RABGAP1L: variants seen among roughly 807,000 people sequenced by gnomAD.
The protein encoded by RABGAP1L is rab GTPase-activating protein 1-like.
In RABGAP1L, 63 loss-of-function variants were observed where a neutral mutation model predicts 137.7. The observed-to-expected ratio is 0.46, with a 90% CI of 0.37 to 0.56. The LOEUF (loss-of-function observed/expected upper bound fraction) is 0.56. Among genes scored for constraint, RABGAP1L ranks in the 20% least tolerant of loss-of-function variants. The pLI, the probability that RABGAP1L is intolerant of heterozygous loss-of-function variation, is 0.00. For missense variants in RABGAP1L, 1,095 were observed against 1,244.0 expected, an observed-to-expected ratio of 0.88 and a Z score of 1.80; for synonymous variants, 431 against 433.7, an observed-to-expected ratio of 0.99 and a Z score of 0.08.
chr1:174,877,619 T>C (rs745445987), intron 19 of RABGAP1L: 1 of 1,607,362 alleles, frequency 6.2e-7, no homozygotes, highest in Non-Finnish European at 8.5e-7. Flanking sequence ...GGTGGTGCCT[T>C]GCACACTACT....
At chr1:174,677,407 C>T (rs989278808) in intron 14 of RABGAP1L, among the ~76,000 whole-genome samples, 4 of 152,178 alleles carry the variant, frequency 2.6e-5, no homozygotes, top group Non-Finnish European at 4.4e-5. Flanking sequence ...GTATGTATAG[C>T]ATAACACCTC....
intron 19 of RABGAP1L, among the ~76,000 whole-genome samples, chr1:174,832,677 C>T (rs1055445298): frequency 1.3e-5 from 2 of 151,984 alleles, no homozygotes; most frequent in Admixed American, 1.3e-4. Context: ...ACAGTGGGCA[C>T]ACCCACAGCC....
At chr1:174,288,828 C>CATTTATTTCTTA (rs1472919637) in intron 10 of RABGAP1L, among the ~76,000 whole-genome samples, 8 of 152,218 alleles carry the variant, frequency 5.3e-5, no homozygotes, top group African/African-American at 1.9e-4. Flanking sequence ...TCGGATACTT[C>CATTTATTTCTTA]TGGAATGCTT....
Position 174,917,810 on chromosome 1 carries a change from G to A in RABGAP1L, c.2341-39647G>A, listed in dbSNP as rs565491834. On this transcript the variant is annotated intron_variant, in intron 19 of 25. Coordinates refer to ENST00000681986, the MANE Select transcript of RABGAP1L (RefSeq NM_001366446.1). ...TAGCCAGGCATGCTGGCGATTACCC[G>A]TGATCCCAGCTATGCAGGAGGCTGA... is the stretch of plus-strand genomic sequence containing the variant. 1.3e-4 allele frequency among the ~76,000 whole-genome samples: 19 copies of A among 151,994 alleles called. No individual in the cohort carries two copies. The South Asian group carries it at 1.5e-3, about 12-fold the overall frequency.
rs1028779634 is a variant in RABGAP1L at position 174,542,571 on chromosome 1, G to A, written c.1711-94804G>A. ...TCCTGGATTCATTGATTTTTTGAAG[G>A]GTTTTTTGTGTCTCTATCTCCTTCA... On this transcript the variant is annotated intron_variant, in intron 13 of 25. Coordinates refer to ENST00000681986, the MANE Select transcript of RABGAP1L (RefSeq NM_001366446.1). Among the ~76,000 whole-genome samples the A allele has an allele frequency of 8.5e-5, 13 of 152,078 alleles. 1 individual carries two copies. Among genetic ancestry groups the A allele is most frequent in the South Asian group, 6.3e-4 (3 of 4,798 alleles).
chr1:174,862,192 G>A (rs1330014832), intron 19 of RABGAP1L, among the ~76,000 whole-genome samples: 2 of 152,234 alleles, frequency 1.3e-5, no homozygotes, highest in East Asian at 1.9e-4. Flanking sequence ...GTTTATTGGA[G>A]GGACTATCCT....
At chr1:174,403,091 T>G (rs1265618514) in intron 13 of RABGAP1L, among the ~76,000 whole-genome samples, 1 of 152,150 alleles carries the variant, frequency 6.6e-6, no homozygotes, top group Non-Finnish European at 1.5e-5. Flanking sequence ...AAGATGCTTT[T>G]AATTGATAAG....
At chr1:174,813,978 A>G (rs1690129985) in intron 19 of RABGAP1L, among the ~76,000 whole-genome samples, 1 of 152,308 alleles carries the variant, frequency 6.6e-6, no homozygotes, top group Admixed American at 6.5e-5. Flanking sequence ...TTCAAGGGAA[A>G]TCTCAGAGGA....
chr1:174,371,268 C>T (rs1455564836), intron 12 of RABGAP1L, among the ~76,000 whole-genome samples, 196 bp downstream of exon 12: 1 of 151,856 alleles, frequency 6.6e-6, no homozygotes, highest in African/African-American at 2.4e-5. Flanking sequence ...GGTCTTCCCC[C>T]CAAGTATGGT....
chr1:174,485,496 AT>A (rs1184724419), intron 13 of RABGAP1L, among the ~76,000 whole-genome samples: 1 of 152,032 alleles, frequency 6.6e-6, no homozygotes, highest in South Asian at 2.1e-4. Context: ...GGTTTTTATT[AT>A]GTTGAGGTAT....
intron 12 of RABGAP1L, among the ~76,000 whole-genome samples, chr1:174,385,275 A>G (rs1199780503): frequency 6.6e-6 from 1 of 152,318 alleles, no homozygotes; most frequent in East Asian, 1.9e-4. Flanking sequence ...GCCTGAGAAA[A>G]ATAAATAACT....
intron 10 of RABGAP1L, among the ~76,000 whole-genome samples, chr1:174,289,355 G>A (rs533894797): frequency 9.2e-5 from 14 of 152,026 alleles, no homozygotes; most frequent in Admixed American, 2.0e-4. Context: ...TTTTAAAAAT[G>A]GTTTTTATTA....
At chr1:174,500,351 A>G (rs1661147429) in intron 13 of RABGAP1L, among the ~76,000 whole-genome samples, 1 of 152,154 alleles carries the variant, frequency 6.6e-6, no homozygotes, top group African/African-American at 2.4e-5. Context: ...AAGTGCTGGC[A>G]TTACAGGTGT....
rs1170612170 is a variant in RABGAP1L at position 174,587,453 on chromosome 1, TA to T, written c.1711-49918del. ...AAACTTAAAGTATAATAATAATAAA[TA>T]AAATAAAATAAAATAAAATAAAATA... On this transcript the variant is annotated intron_variant, in intron 13 of 25. Coordinates refer to ENST00000681986, the MANE Select transcript of RABGAP1L (RefSeq NM_001366446.1). 1.3e-4 allele frequency among the ~76,000 whole-genome samples: 4 copies of T among 30,290 alleles called. No homozygotes were observed. The African/African-American group carries it at 7.2e-3, about 55-fold the overall frequency. The allele number at this position is 30,290 out of a possible 152,430, so 19.9% of individuals were successfully genotyped here.
At chr1:174,482,998 T>G (rs1287596568) in intron 13 of RABGAP1L, among the ~76,000 whole-genome samples, 1 of 152,160 alleles carries the variant, frequency 6.6e-6, no homozygotes, top group Non-Finnish European at 1.5e-5. Flanking sequence ...AATTTTTAAT[T>G]TTTGTGGGTA....
chr1:174,280,199 T>G (rs1024177570), intron 10 of RABGAP1L, among the ~76,000 whole-genome samples: 2 of 152,132 alleles, frequency 1.3e-5, no homozygotes, highest in Non-Finnish European at 2.9e-5. Flanking sequence ...ACTAGCTTCT[T>G]TCTACACCTC....
intron 13 of RABGAP1L, among the ~76,000 whole-genome samples, chr1:174,486,149 T>A (rs1458648164): frequency 6.6e-6 from 1 of 151,954 alleles, no homozygotes; most frequent in African/African-American, 2.4e-5. Flanking sequence ...CCACTGTTGA[T>A]CCCTTGAACA....
At chr1:174,383,612 C>T (rs545216952) in intron 12 of RABGAP1L, among the ~76,000 whole-genome samples, 171 of 152,348 alleles carry the variant, frequency 1.1e-3, no homozygotes, top group Non-Finnish European at 1.9e-3. Context: ...ACCCCTTGCG[C>T]TTCCCAAGTG....
chr1:174,886,858 G>A (rs777778981), intron 19 of RABGAP1L, among the ~76,000 whole-genome samples: 7 of 149,480 alleles, frequency 4.7e-5, no homozygotes, highest in African/African-American at 1.7e-4. Flanking sequence ...TCTGTCTGGC[G>A]TGCAATGGCG....
Sources: gnomAD v4.1 joint callset for allele counts (sites outside exome capture counted in the v4.1 genomes callset) on GRCh38, gnomAD v4.1.1 for gene constraint, MANE v1.5 for transcripts, NCBI Gene and HGNC (gene_info 2026-07-23, HGNC 2026-07-21) for gene names.